Variants in EIF2AK4 observed in about 807,000 individuals in gnomAD.
EIF2AK4 encodes the protein eukaryotic translation initiation factor 2 alpha kinase 4, also known as eIF-2-alpha kinase GCN2.
In EIF2AK4, 139 loss-of-function variants were observed where a neutral mutation model predicts 211.1. The observed-to-expected ratio is 0.66, with a 90% confidence interval of 0.57 to 0.76. EIF2AK4 has a LOEUF of 0.76. EIF2AK4 is among the 30% of genes least tolerant of loss of function. The pLI is 0.00. For missense variants in EIF2AK4, 1,664 were observed against 2,043.8 expected, an observed-to-expected ratio of 0.81 and a Z score of 3.58; for synonymous variants, 710 against 751.3, an observed-to-expected ratio of 0.94 and a Z score of 0.90.
Position 39,934,142 on chromosome 15 carries a change from C to CG in EIF2AK4, c.-49dup. 8.0e-7 allele frequency: 1 copy of CG among 1,253,344 alleles called. No homozygotes were observed. The highest frequency in any genetic ancestry group is 1.6e-5 in the African/African-American group (1 of 62,042). 77.6% of individuals were successfully genotyped at this position (1,253,344 alleles called of 1,614,324 possible). A position where few individuals can be genotyped will look rare whatever the true frequency, so the allele number is the denominator to read the frequency against. ...CGCGGAGCCCCGCCCCGCAGGCTGC[C>CG]GGGGGCCCACCGCCGCCCAGGCAAG... is the stretch of plus-strand genomic sequence containing the variant. On this transcript the variant is annotated 5_prime_UTR_variant, in exon 1 of 39. Coordinates refer to ENST00000263791, the MANE Select transcript of EIF2AK4 (RefSeq NM_001013703.4).
chr15:40,022,502 ATGTT>A lies in EIF2AK4; in HGVS notation c.4303-7_4303-4del, dbSNP rs771444188. The A allele has an allele frequency of 9.3e-6, 15 of 1,605,668 alleles. No homozygotes were observed. Among genetic ancestry groups the A allele is most frequent in the South Asian group, 6.6e-5 (6 of 90,514 alleles). ...GTGCTCTGTGTTTATTTTCTTTACTATGTTTGTTTGTTTCAGTCCCAAGAGGAAT... is the reference window on the plus strand; with the variant it reads ...GTGCTCTGTGTTTATTTTCTTTACTATGTTTGTTTCAGTCCCAAGAGGAAT... On this transcript the variant is annotated splice_polypyrimidine_tract_variant and intron_variant, in intron 31 of 38. Coordinates refer to ENST00000263791, the MANE Select transcript of EIF2AK4 (RefSeq NM_001013703.4).
intron 35 of EIF2AK4, among the ~76,000 whole-genome samples, chr15:40,031,753 TCTCA>T (rs894237334): frequency 6.7e-6 from 1 of 150,326 alleles, no homozygotes; most frequent in Admixed American, 6.7e-5. Flanking sequence ...TGAGACAGAG[TCTCA>T]CTCTGTCACC....
rs2035186173 is a variant in EIF2AK4, at chr15:40,008,135, G to T, written c.3516G>T (p.Leu1172=). Reference sequence around the variant, plus strand: ...TCACTTCTACCACCAACAGCTTTCTGCCCACTGCTGAAATTATCTACACTA... The same window carrying T: ...TCACTTCTACCACCAACAGCTTTCTTCCCACTGCTGAAATTATCTACACTA... ...DIVTSTTNSF[L]PTAEIIYTIY... is the part of the protein sequence containing the mutation. Residue 1172 remains leucine (L), a synonymous_variant, in exon 25 of 39, where the codon CTG becomes CTT. Coordinates refer to ENST00000263791, the MANE Select transcript of EIF2AK4 (RefSeq NM_001013703.4). 1 of 1,612,260 alleles carries T rather than the reference G, an allele frequency of 6.2e-7. No homozygotes were observed. Among genetic ancestry groups the T allele is most frequent in the Non-Finnish European group, 8.5e-7 (1 of 1,179,350 alleles).
intron 6 of EIF2AK4, among the ~76,000 whole-genome samples, chr15:39,956,927 A>G (rs113414457): frequency 4.6e-5 from 7 of 152,362 alleles, no homozygotes; most frequent in African/African-American, 1.7e-4. Flanking sequence ...CTACTACTAA[A>G]AAAACAGTTC....
At chr15:40,009,069 T>TTTTTGTTTTGTTTTG (rs57240792) in intron 25 of EIF2AK4, among the ~76,000 whole-genome samples, 1,610 of 146,782 alleles carry the variant, frequency 0.011, 21 homozygotes, top group South Asian at 0.03. Flanking sequence ...GTCAGAGTTG[T>TTTTTGTTTTGTTTTG]TTTTGTTTTG....
chr15:39,961,166 A>G (rs17720930), intron 6 of EIF2AK4, among the ~76,000 whole-genome samples: 16,401 of 152,240 alleles, frequency 0.11, 963 homozygotes, highest in Middle Eastern at 0.24. Flanking sequence ...TGGAGAAGTC[A>G]TGGAAGGGAA....
At chr15:39,979,355 CAT>C (rs971847675) in intron 13 of EIF2AK4, among the ~76,000 whole-genome samples, 3 of 152,274 alleles carry the variant, frequency 2.0e-5, no homozygotes, top group African/African-American at 7.2e-5. Context: ...GAAAAATGCA[CAT>C]GTGATAGAAT....
chr15:39,992,692 AC>A (rs1479488360), intron 17 of EIF2AK4, 76 bp from the exon 18 acceptor site: 5 of 1,310,890 alleles, frequency 3.8e-6, no homozygotes, highest in Admixed American at 1.7e-5. Context: ...CTTTTAAGAA[AC>A]CTTTTTTTGT....
intron 35 of EIF2AK4, 134 bp from the exon 36 acceptor site, chr15:40,032,035 C>A: frequency 1.2e-6 from 1 of 822,542 alleles, no homozygotes; most frequent in Non-Finnish European, 2.0e-6. Flanking sequence ...CAAGGGCAAA[C>A]CTTTAGACAC....
At chr15:39,963,644 C>T (rs1272676424) in intron 7 of EIF2AK4, among the ~76,000 whole-genome samples, 1 of 152,134 alleles carries the variant, frequency 6.6e-6, no homozygotes, top group African/African-American at 2.4e-5. Flanking sequence ...AGAGAACTTA[C>T]TTATAGATAT....
chr15:40,007,740 C>T (rs542800120), intron 24 of EIF2AK4, among the ~76,000 whole-genome samples: 2 of 152,142 alleles, frequency 1.3e-5, no homozygotes, highest in East Asian at 3.9e-4. Flanking sequence ...TGTGGGTATC[C>T]CTGTGTAGAA....
At chr15:40,025,058 T>C (rs945747611) in intron 32 of EIF2AK4, among the ~76,000 whole-genome samples, 3 of 152,176 alleles carry the variant, frequency 2.0e-5, no homozygotes, top group African/African-American at 7.2e-5. Flanking sequence ...CTGGGATTTA[T>C]CCTACCCTCA....
At chr15:39,979,165 A>G (rs1421131000) in intron 13 of EIF2AK4, among the ~76,000 whole-genome samples, 2 of 152,228 alleles carry the variant, frequency 1.3e-5, no homozygotes, top group African/African-American at 2.4e-5. Context: ...AGGAAGGGCA[A>G]GGTGACTGTG....
intron 33 of EIF2AK4, chr15:40,029,176 T>C (rs2035505013): frequency 3.1e-6 from 1 of 321,978 alleles, no homozygotes; most frequent in Admixed American, 6.5e-5. Flanking sequence ...TCAGAATGTT[T>C]TCCTTAGGCA....
At chr15:39,992,384 T>C in intron 17 of EIF2AK4, 155 bp downstream of exon 17, 1 of 589,030 alleles carries the variant, frequency 1.7e-6, no homozygotes, top group South Asian at 3.1e-5. Context: ...AATCTTTTTT[T>C]CCTTTTCAAT....
At chr15:40,024,033 T>C (rs977758023) in intron 32 of EIF2AK4, among the ~76,000 whole-genome samples, 4 of 152,194 alleles carry the variant, frequency 2.6e-5, no homozygotes, top group African/African-American at 7.2e-5. Context: ...ACATTTCCTA[T>C]CTGGCCCTTT....
chr15:40,005,370 T>A (rs946902380), intron 23 of EIF2AK4, among the ~76,000 whole-genome samples: 9 of 151,674 alleles, frequency 5.9e-5, no homozygotes, highest in African/African-American at 1.2e-4. Context: ...AAAGTTTTTT[T>A]AAAAAAATTG....
At chr15:40,033,549 CT>C (rs1266504421) in intron 37 of EIF2AK4, among the ~76,000 whole-genome samples, 1 of 152,098 alleles carries the variant, frequency 6.6e-6, no homozygotes, top group Non-Finnish European at 1.5e-5. Context: ...ACTTTTTTGT[CT>C]ATCCAGAGTG....
intron 23 of EIF2AK4, among the ~76,000 whole-genome samples, chr15:40,005,422 G>A (rs911643440): frequency 5.9e-5 from 9 of 151,566 alleles, no homozygotes; most frequent in Non-Finnish European, 7.4e-5. Context: ...ACTTGAACCC[G>A]GGAGGCGGAG....
Sources: gnomAD v4.1 joint callset for allele counts (sites outside exome capture counted in the v4.1 genomes callset) on GRCh38, gnomAD v4.1.1 for gene constraint, MANE v1.5 for transcripts, NCBI Gene and HGNC (gene_info 2026-07-23, HGNC 2026-07-21) for gene names.